The following TNFRSF8 variants were observed in gnomAD, a reference collection of about 807,000 sequenced individuals.
TNFRSF8 encodes TNF receptor superfamily member 8.
A neutral mutation model predicts 70.8 loss-of-function variants in TNFRSF8; 26 were observed. That is an observed-to-expected ratio of 0.37 (90% CI 0.27 to 0.51). The LOEUF (loss-of-function observed/expected upper bound fraction) is 0.51. Ranked by LOEUF, TNFRSF8 falls within the 20% of genes least tolerant of loss-of-function variation. TNFRSF8 has a pLI of 0.94. For synonymous variants in TNFRSF8, 356 were observed against 339.2 expected (o/e 1.05, Z -0.54); for missense variants, 720 against 807.9 (o/e 0.89, Z 1.32).
At chr1:12,065,078 C>CTTTTTTT (rs773549918) in intron 1 of TNFRSF8, among the ~76,000 whole-genome samples, 24 of 88,256 alleles carry the variant, frequency 2.7e-4, no homozygotes, top group Admixed American at 4.9e-4. Flanking sequence ...CATACCAAAC[C>CTTTTTTT]TTTTTTTTTT....
intron 8 of TNFRSF8, among the ~76,000 whole-genome samples, chr1:12,118,374 G>T (rs1036302974): frequency 2.6e-5 from 4 of 151,982 alleles, no homozygotes; most frequent in Non-Finnish European, 4.4e-5. Context: ...GCCTCCCAAA[G>T]TGCTGGGATT....
At chr1:12,097,026 A>C in intron 2 of TNFRSF8, 75 bp from the exon 3 acceptor site, 1 of 1,105,740 alleles carries the variant, frequency 9.0e-7, no homozygotes, top group Admixed American at 1.8e-5. Flanking sequence ...GTCAGGGATG[A>C]GAGGTGTGGG....
intron 12 of TNFRSF8, among the ~76,000 whole-genome samples, chr1:12,126,497 A>G (rs1641943321): frequency 6.6e-6 from 1 of 152,180 alleles, no homozygotes. Flanking sequence ...GGATGCTGGC[A>G]TGAACGTTTA....
At position 12,109,729 on chromosome 1, in the gene TNFRSF8, C is replaced by A; in HGVS notation, c.512+73C>A. The A allele has an allele frequency of 1.5e-6, 2 of 1,322,724 alleles. No homozygotes were observed. Among genetic ancestry groups the A allele is most frequent in the Non-Finnish European group, 1.1e-6 (1 of 925,810 alleles). 81.9% of individuals were successfully genotyped at this position (1,322,724 alleles called of 1,614,324 possible). ...GATGAGGCTGCCCCACCCCACAGGA[C>A]GCCCATGGTACAACTGGGCTGGGGG... On this transcript the variant is annotated intron_variant, in intron 5 of 14. Coordinates refer to ENST00000263932, the MANE Select transcript of TNFRSF8 (RefSeq NM_001243.5). This position sits in a 1 kb window ranked among gnomAD's most constrained non-coding sequence, Gnocchi z 4.4.
rs764000451 is a variant in TNFRSF8, at chr1:12,104,465, G to A, written c.355G>A (p.Val119Ile). Reference protein sequence around the residue: ...RPGMFCSTSAVNSCARCFFHS... With the variant: ...RPGMFCSTSAINSCARCFFHS... ...CGGCATGTTCTGTTCCACGTCTGCCGTCAACTCCTGTGCCCGCTGCTTCTT... is the reference window on the plus strand; with the variant it reads ...CGGCATGTTCTGTTCCACGTCTGCCATCAACTCCTGTGCCCGCTGCTTCTT... The change falls in exon 4 of 15, where the codon GTC becomes ATC. Residue 119 changes from valine to isoleucine, a missense_variant. By Grantham distance (29) the Val-to-Ile change is conservative. Transcript: ENST00000263932. The A allele has an allele frequency of 2.3e-5, 37 of 1,614,034 alleles. No individual in the cohort carries two copies. The highest frequency in any genetic ancestry group is 4.5e-5 in the East Asian group (2 of 44,894).
At chr1:12,128,037 A>G (rs1148474) in intron 12 of TNFRSF8, among the ~76,000 whole-genome samples, 110,411 of 152,110 alleles carry the variant, frequency 0.73, 40,469 homozygotes, top group Admixed American at 0.79. Flanking sequence ...AAGCTCACAG[A>G]GCACCGGGTG....
At chr1:12,115,912 C>A (rs1392960161) in intron 8 of TNFRSF8, among the ~76,000 whole-genome samples, 183 bp downstream of exon 8, 1 of 152,128 alleles carries the variant, frequency 6.6e-6, no homozygotes, top group Non-Finnish European at 1.5e-5. Flanking sequence ...ATGATAAAAT[C>A]CAGTTTTAGC....
In TNFRSF8 at chr1:12,063,553, C is replaced by G; in HGVS notation, c.-46C>G. ...GGGCGCCGCGCGCTTCCCCCGCTTC[C>G]CAGGTGGGCGCCGGCCGCCAGGCCA... is the stretch of plus-strand genomic sequence containing the variant. On this transcript the variant is annotated 5_prime_UTR_variant, in exon 1 of 15. Transcript: ENST00000263932. The surrounding 1 kb of genome is among the most constrained non-coding windows in gnomAD (Gnocchi z 7.2). The G allele has an allele frequency of 1.5e-6, 2 of 1,299,446 alleles. No homozygotes were observed. Among genetic ancestry groups the G allele is most frequent in the African/African-American group, 3.1e-5 (2 of 64,902 alleles). 80.5% of individuals were successfully genotyped at this position (1,299,446 alleles called of 1,614,324 possible).
chr1:12,099,219 C>T (rs1233053831), intron 3 of TNFRSF8, among the ~76,000 whole-genome samples: 3 of 151,964 alleles, frequency 2.0e-5, no homozygotes, highest in African/African-American at 7.3e-5. Context: ...GGTGCAATCT[C>T]GGCTCACTAC....
At chr1:12,136,464 C>A (rs1258095837) in intron 13 of TNFRSF8, among the ~76,000 whole-genome samples, 1 of 151,952 alleles carries the variant, frequency 6.6e-6, no homozygotes, top group Admixed American at 6.6e-5. Flanking sequence ...GCCTTGCCAA[C>A]ATAGTGAAAC....
At chr1:12,100,889 G>A (rs12092713) in intron 3 of TNFRSF8, among the ~76,000 whole-genome samples, 18,929 of 151,396 alleles carry the variant, frequency 0.13, 1,297 homozygotes, top group East Asian at 0.28. Flanking sequence ...CCCGGGAGGC[G>A]GAGGTTGCAG....
At chr1:12,130,574 A>G (rs1642029415) in intron 12 of TNFRSF8, among the ~76,000 whole-genome samples, 1 of 152,154 alleles carries the variant, frequency 6.6e-6, no homozygotes. Context: ...TTCCCACAGC[A>G]CTGGGGAATC....
Position 12,138,520 on chromosome 1 carries a change from C to T in TNFRSF8, c.1543+84C>T. Reference sequence around the variant, plus strand: ...CGGGGCCCTGGGCCCTGGAAGGGACCTGGAGACCCTGGAGTTGAAAGGCCC... The same window carrying T: ...CGGGGCCCTGGGCCCTGGAAGGGACTTGGAGACCCTGGAGTTGAAAGGCCC... On this transcript the variant is annotated intron_variant, in intron 14 of 14. Coordinates refer to ENST00000263932, the MANE Select transcript of TNFRSF8 (RefSeq NM_001243.5). The surrounding 1 kb of genome is among the most constrained non-coding windows in gnomAD (Gnocchi z 5.7). 3 of 1,309,128 alleles carry T rather than the reference C, an allele frequency of 2.3e-6. No individual in the cohort carries two copies. Among genetic ancestry groups the T allele is most frequent in the Non-Finnish European group, 3.1e-6 (3 of 965,210 alleles). The allele number at this position is 1,309,128 out of a possible 1,614,324, so 81.1% of individuals were successfully genotyped here. A position where few individuals can be genotyped will look rare whatever the true frequency, so the allele number is the denominator to read the frequency against.
At chr1:12,091,141 CAATT>C (rs1478789564) in intron 2 of TNFRSF8, among the ~76,000 whole-genome samples, 4 of 152,152 alleles carry the variant, frequency 2.6e-5, no homozygotes, top group African/African-American at 9.7e-5. Context: ...CAAGAGCTGA[CAATT>C]AATTTCTGTT....
At position 12,119,958 on chromosome 1, in the gene TNFRSF8, ACCAGAATGCAGGGATCCCAAGGGTCAG is replaced by A. The variant is rs1281746333; in HGVS notation, c.947-3323_947-3297del. Among the ~76,000 whole-genome samples the A allele has an allele frequency of 2.0e-5, 3 of 152,170 alleles. No individual in the cohort carries two copies. Among genetic ancestry groups the A allele is most frequent in the Non-Finnish European group, 4.4e-5 (3 of 68,026 alleles). ...AGAGAAGCACAGGGCCGAAGCTAGAACCAGAATGCAGGGATCCCAAGGGTCAGCCCAGAGTACTTCCACTGGAAGACA... is the reference window on the plus strand; with the variant it reads ...AGAGAAGCACAGGGCCGAAGCTAGAACCCAGAGTACTTCCACTGGAAGACA... On this transcript the variant is annotated intron_variant, in intron 8 of 14. Transcript: ENST00000263932. This position sits in a 1 kb window ranked among gnomAD's most constrained non-coding sequence, Gnocchi z 4.4.
At chr1:12,067,260 A>G (rs145518079) in intron 1 of TNFRSF8, among the ~76,000 whole-genome samples, 50 of 152,250 alleles carry the variant, frequency 3.3e-4, no homozygotes, top group African/African-American at 1.1e-3. Flanking sequence ...AAATTCCCCA[A>G]CATCATGTTC....
At chr1:12,117,421 C>G (rs1178815868) in intron 8 of TNFRSF8, among the ~76,000 whole-genome samples, 1 of 152,128 alleles carries the variant, frequency 6.6e-6, no homozygotes, top group Admixed American at 6.5e-5. Flanking sequence ...GAAGGAATAT[C>G]CGGGGAAAGT....
intron 1 of TNFRSF8, among the ~76,000 whole-genome samples, chr1:12,082,064 C>G (rs115056802): frequency 0.016 from 2,471 of 152,094 alleles, 73 homozygotes; most frequent in African/African-American, 0.057. Flanking sequence ...CCCTTTTGCT[C>G]CACCCTAGAA....
At position 12,112,674 on chromosome 1, in the gene TNFRSF8, G is replaced by A. The variant is rs992479215; in HGVS notation, c.793+660G>A. 2.6e-5 allele frequency among the ~76,000 whole-genome samples: 4 copies of A among 152,136 alleles called. No individual in the cohort carries two copies. Among genetic ancestry groups the A allele is most frequent in the African/African-American group, 9.7e-5 (4 of 41,438 alleles). On this transcript the variant is annotated intron_variant, in intron 7 of 14. Coordinates refer to ENST00000263932, the MANE Select transcript of TNFRSF8 (RefSeq NM_001243.5). This position sits in a 1 kb window ranked among gnomAD's most constrained non-coding sequence, Gnocchi z 5.3. ...GCTTCCTAAATTGCTGGGATTATAG[G>A]CATGAGCCACCATGCCCGGCCTGCG...
Sources: gnomAD v4.1 joint callset for allele counts (sites outside exome capture counted in the v4.1 genomes callset) on GRCh38, gnomAD v4.1.1 for gene constraint, Gnocchi (gnomAD v3.1) non-coding constraint, MANE v1.5 for transcripts, NCBI Gene and HGNC (gene_info 2026-07-23, HGNC 2026-07-21) for gene names.